CYP3A7: variants seen among roughly 807,000 people sequenced by gnomAD.
CYP3A7 encodes cytochrome P450 3A7.
Under a neutral mutation model 55.2 loss-of-function variants are expected in CYP3A7, and 45 were observed. The ratio of observed to expected loss-of-function variants is 0.82; its 90% CI spans 0.64 to 1.05. The LOEUF (loss-of-function observed/expected upper bound fraction) is 1.05, where lower values mean the gene tolerates loss of function less well. Ranked by LOEUF, CYP3A7 falls within the 50% of genes least tolerant of loss-of-function variation. The probability of loss-of-function intolerance (pLI) is 0.00; values close to 1 mark genes in which losing one functional copy is unlikely to be tolerated. For synonymous variants in CYP3A7, 180 were observed against 207.4 expected (o/e 0.87, Z 1.13); for missense variants, 548 against 605.3 (o/e 0.91, Z 0.99).
rs547200685 is a variant in CYP3A7 at position 99,728,280 on chromosome 7, A to G, written c.165+2779T>C. 2.0e-5 allele frequency among the ~76,000 whole-genome samples: 3 copies of G among 152,212 alleles called. No individual in the cohort carries two copies. In the East Asian group the frequency reaches 5.8e-4, roughly 29 times the overall value. On this transcript the variant is annotated intron_variant, in intron 2 of 12. Coordinates refer to ENST00000336374, the MANE Select transcript of CYP3A7 (RefSeq NM_000765.5). The stretch of plus-strand genomic sequence containing the variant: ...CCTCCTAGAACTTCTCATTTCCCTT[A>G]AGACATTTGCCCTGTATTTCACTCC...
chr7:99,726,215 T>C (rs905134815), intron 2 of CYP3A7, among the ~76,000 whole-genome samples: 3 of 152,024 alleles, frequency 2.0e-5, no homozygotes, highest in East Asian at 3.8e-4. Flanking sequence ...CCCATTACTA[T>C]CCCATTAAAG....
At chr7:99,706,738 G>T (rs772633163) in intron 12 of CYP3A7, among the ~76,000 whole-genome samples, 21 of 152,318 alleles carry the variant, frequency 1.4e-4, no homozygotes, top group Non-Finnish European at 1.3e-4. Flanking sequence ...GCAAATACAT[G>T]AATGTCATTT....
intron 2 of CYP3A7, among the ~76,000 whole-genome samples, chr7:99,729,499 G>C (rs1761200930): frequency 6.6e-6 from 1 of 152,052 alleles, no homozygotes; most frequent in African/African-American, 2.4e-5. Context: ...AATATAAAAA[G>C]ACAGGAATGT....
At chr7:99,730,807 A>G (rs1052481815) in intron 2 of CYP3A7, 12 of 470,796 alleles carry the variant, frequency 2.5e-5, no homozygotes, top group South Asian at 2.3e-4. Flanking sequence ...AAGTCTGCAC[A>G]TCAAGTTGTG....
At chr7:99,709,712 A>G (rs1171763554) in intron 10 of CYP3A7, among the ~76,000 whole-genome samples, 3 of 152,188 alleles carry the variant, frequency 2.0e-5, no homozygotes, top group East Asian at 1.9e-4. Context: ...CTTCTGGTTC[A>G]TAACTCTTTT....
chr7:99,719,610 A>G (rs563827383), intron 4 of CYP3A7, among the ~76,000 whole-genome samples: 19 of 152,276 alleles, frequency 1.2e-4, no homozygotes, highest in African/African-American at 4.6e-4. Context: ...AAAAATATTA[A>G]TACATTGGCC....
chr7:99,705,719 A>G (rs1210486908), intron 12 of CYP3A7, 124 bp from the exon 13 acceptor site: 2 of 1,211,350 alleles, frequency 1.7e-6, no homozygotes, highest in Non-Finnish European at 2.3e-6. Context: ...TACTTTCAGC[A>G]CTATAAATCT....
At chr7:99,722,540 T>A (rs1231741288) in intron 2 of CYP3A7, among the ~76,000 whole-genome samples, 192 bp from the exon 3 acceptor site, 3 of 152,104 alleles carry the variant, frequency 2.0e-5, no homozygotes, top group Non-Finnish European at 4.4e-5. Flanking sequence ...TTAAAATCAC[T>A]CTTGAATTTT....
chr7:99,715,962 C>T lies in CYP3A7; in HGVS notation c.522-56G>A, dbSNP rs533367240. ...TCAGCACCTCTTTACCATCCTTCCT[C>T]TATGCGTGCAGCAGGAAATCCACAT... On this transcript the variant is annotated intron_variant, in intron 6 of 12. Transcript: ENST00000336374. The T allele has an allele frequency of 2.7e-5, 43 of 1,611,926 alleles. No individual in the cohort carries two copies. In the African/African-American group the frequency reaches 4.3e-4, roughly 16 times the overall value.
At chr7:99,733,241 A>G (rs1379190135) in intron 1 of CYP3A7, among the ~76,000 whole-genome samples, 2 of 152,208 alleles carry the variant, frequency 1.3e-5, no homozygotes, top group South Asian at 2.1e-4. Context: ...TACATGTTAC[A>G]TGATCTCTCA....
intron 12 of CYP3A7, among the ~76,000 whole-genome samples, chr7:99,706,168 T>C (rs1458999922): frequency 6.6e-6 from 1 of 152,210 alleles, no homozygotes; most frequent in Non-Finnish European, 1.5e-5. Flanking sequence ...GTAGTGCAAG[T>C]GGGGAACCTC....
chr7:99,733,171 C>A (rs1814692602), intron 1 of CYP3A7, among the ~76,000 whole-genome samples: 1 of 152,210 alleles, frequency 6.6e-6, no homozygotes, highest in South Asian at 2.1e-4. Flanking sequence ...ACTCCTGTTC[C>A]TTCCTTTGTT....
At chr7:99,721,909 C>T (rs1814215727) in intron 3 of CYP3A7, among the ~76,000 whole-genome samples, 1 of 152,210 alleles carries the variant, frequency 6.6e-6, no homozygotes, top group African/African-American at 2.4e-5. Context: ...AAGCCCAACC[C>T]AACCTTACAC....
At chr7:99,726,647 C>A in intron 2 of CYP3A7, among the ~76,000 whole-genome samples, 1 of 152,208 alleles carries the variant, frequency 6.6e-6, no homozygotes, top group East Asian at 1.9e-4. Context: ...TCTGGGACAG[C>A]CCTCATTACT....
chr7:99,731,008 G>T, intron 2 of CYP3A7, 51 bp downstream of exon 2: 1 of 1,604,400 alleles, frequency 6.2e-7, no homozygotes, highest in Non-Finnish European at 8.5e-7. Context: ...ATGGAACTAA[G>T]TTGCTCTTTG....
At chr7:99,712,829 A>G (rs1813807322) in intron 9 of CYP3A7, among the ~76,000 whole-genome samples, 1 of 152,196 alleles carries the variant, frequency 6.6e-6, no homozygotes, top group African/African-American at 2.4e-5. Flanking sequence ...TTTGCCACTC[A>G]TAGTAACAAT....
intron 9 of CYP3A7, among the ~76,000 whole-genome samples, 173 bp downstream of exon 9, chr7:99,713,296 T>G (rs1161821973): frequency 6.6e-6 from 1 of 152,170 alleles, no homozygotes; most frequent in Non-Finnish European, 1.5e-5. Context: ...TGGCTATCTA[T>G]GCCTGCATGC....
chr7:99,732,417 G>C (rs185891140), intron 1 of CYP3A7, among the ~76,000 whole-genome samples: 167 of 152,156 alleles, frequency 1.1e-3, no homozygotes, highest in Non-Finnish European at 1.5e-3. Context: ...TGGAAGAAAA[G>C]ACTAATACAG....
chr7:99,705,327 C>T lies in CYP3A7; in HGVS notation c.*173G>A, dbSNP rs560667059. ...CTCCTCTATATTACCAAGTATAACA[C>T]TCTATACAGACCATGAGAGAGCACA... On this transcript the variant is annotated 3_prime_UTR_variant, in exon 13 of 13. Coordinates refer to ENST00000336374, the MANE Select transcript of CYP3A7 (RefSeq NM_000765.5). The T allele has an allele frequency of 9.5e-5, 69 of 725,542 alleles. No individual in the cohort carries two copies. The South Asian group carries it at 1.1e-3, about 12-fold the overall frequency. 44.9% of individuals were successfully genotyped at this position (725,542 alleles called of 1,614,324 possible).
Sources: gnomAD v4.1 joint callset for allele counts (sites outside exome capture counted in the v4.1 genomes callset) on GRCh38, gnomAD v4.1.1 for gene constraint, MANE v1.5 for transcripts, NCBI Gene and HGNC (gene_info 2026-07-23, HGNC 2026-07-21) for gene names.